Variants in AGR2 observed in about 807,000 individuals in gnomAD.
AGR2 encodes the protein anterior gradient 2, protein disulphide isomerase family member, also known as anterior gradient protein 2 homolog.
In AGR2, 27 loss-of-function variants were observed where a neutral mutation model predicts 25.9. The observed-to-expected ratio is 1.04, with a 90% CI of 0.77 to 1.44. The LOEUF (loss-of-function observed/expected upper bound fraction) is 1.44, where lower values mean the gene tolerates loss of function less well. Among genes scored for constraint, AGR2 ranks in the 40% most tolerant of loss-of-function variants. The probability of loss-of-function intolerance (pLI) is 0.00; values close to 1 mark genes in which losing one functional copy is unlikely to be tolerated. For missense variants in AGR2, 182 were observed against 200.9 expected (o/e 0.91, Z 0.57); for synonymous variants, 78 against 72.0 (o/e 1.08, Z -0.42).
At chr7:16,794,129 G>A (rs767036758) in intron 7 of AGR2, among the ~76,000 whole-genome samples, 2 of 152,128 alleles carry the variant, frequency 1.3e-5, no homozygotes, top group Non-Finnish European at 2.9e-5. Flanking sequence ...CCAACATGAC[G>A]TTCTAAGTCA....
intron 6 of AGR2, among the ~76,000 whole-genome samples, chr7:16,796,759 T>A (rs1000139592): frequency 1.3e-5 from 2 of 152,300 alleles, no homozygotes; most frequent in Admixed American, 1.3e-4. Flanking sequence ...AAAGTATGAC[T>A]ACAAGAGCAC....
intron 6 of AGR2, among the ~76,000 whole-genome samples, chr7:16,796,418 T>C (rs1287437900): frequency 6.6e-6 from 1 of 152,234 alleles, no homozygotes; most frequent in Non-Finnish European, 1.5e-5. Context: ...TCTTCCTTTT[T>C]TTCTATTTCT....
intron 6 of AGR2, 128 bp from the exon 7 acceptor site, chr7:16,795,147 A>G: frequency 2.0e-6 from 2 of 1,007,886 alleles, no homozygotes; most frequent in South Asian, 1.4e-5. Context: ...CTGCACTCAC[A>G]GGAGCTCTGA....
At chr7:16,799,840 T>A in intron 4 of AGR2, 23 bp from the exon 5 acceptor site, 3 of 1,503,446 alleles carry the variant, frequency 2.0e-6, no homozygotes, top group Non-Finnish European at 2.8e-6. Context: ...GAAAAATCAT[T>A]AAGCATCCAT....
Position 16,792,808 on chromosome 7 carries a change from G to A in AGR2, c.*100C>T. ...GTAACATTAAACCATAACCTAATCA[G>A]TGTGTTCACTATGCTTCCACACTAG... On this transcript the variant is annotated 3_prime_UTR_variant, in exon 8 of 8. Coordinates refer to ENST00000419304, the MANE Select transcript of AGR2 (RefSeq NM_006408.4). The A allele has an allele frequency of 4.8e-6, 5 of 1,031,774 alleles. No homozygotes were observed. Among genetic ancestry groups the A allele is most frequent in the Non-Finnish European group, 7.7e-6 (5 of 653,216 alleles). 63.9% of individuals were successfully genotyped at this position (1,031,774 alleles called of 1,614,324 possible). A position where few individuals can be genotyped will look rare whatever the true frequency, so the allele number is the denominator to read the frequency against.
At chr7:16,797,732 A>G in intron 5 of AGR2, 38 bp from the exon 6 acceptor site, 1 of 1,580,030 alleles carries the variant, frequency 6.3e-7, no homozygotes, top group Non-Finnish European at 8.7e-7. Context: ...GTTTACTTTG[A>G]CTTTTCAGTC....
At position 16,800,540 on chromosome 7, in the gene AGR2, C is replaced by T. The variant is rs149155414; in HGVS notation, c.256+611G>A. ...TCTGTGATAAGAAGCCACTTGAGCA[C>T]GTGAGTGATGGAATCTGATTTATGT... On this transcript the variant is annotated intron_variant, in intron 4 of 7. Coordinates refer to ENST00000419304, the MANE Select transcript of AGR2 (RefSeq NM_006408.4). Among the ~76,000 whole-genome samples the T allele has an allele frequency of 1.6e-3, 243 of 152,284 alleles. 2 individuals carry two copies. The highest frequency in any genetic ancestry group is 5.5e-3 in the African/African-American group (227 of 41,568).
chr7:16,797,716 C>G (rs773842173), intron 5 of AGR2, 22 bp from the exon 6 acceptor site: 2 of 1,605,726 alleles, frequency 1.2e-6, no homozygotes, highest in South Asian at 2.2e-5. Context: ...AGAAAAGCAT[C>G]TTTTAGTTTA....
At chr7:16,797,568 A>C in intron 6 of AGR2, 63 bp downstream of exon 6, 3 of 1,457,114 alleles carry the variant, frequency 2.1e-6, no homozygotes, top group Non-Finnish European at 2.9e-6. Flanking sequence ...AGTGGGGAGG[A>C]GAGAAGGAGG....
chr7:16,797,457 C>G (rs1175092246), intron 6 of AGR2, among the ~76,000 whole-genome samples, 174 bp downstream of exon 6: 1 of 152,152 alleles, frequency 6.6e-6, no homozygotes, highest in African/African-American at 2.4e-5. Flanking sequence ...TAGGTAAAAG[C>G]TCACATTTTC....
chr7:16,804,267 T>TACACACACACAC lies in AGR2; in HGVS notation c.-8+656_-8+667dup, dbSNP rs113991647. Among the ~76,000 whole-genome samples the TACACACACACAC allele has an allele frequency of 2.6e-3, 284 of 107,580 alleles. 1 individual carries two copies. Among genetic ancestry groups the TACACACACACAC allele is most frequent in the African/African-American group, 7.6e-3 (239 of 31,494 alleles). 70.6% of individuals were successfully genotyped at this position (107,580 alleles called of 152,430 possible). A position where few individuals can be genotyped will look rare whatever the true frequency, so the allele number is the denominator to read the frequency against. On this transcript the variant is annotated intron_variant, in intron 1 of 7. Coordinates refer to ENST00000419304, the MANE Select transcript of AGR2 (RefSeq NM_006408.4). ...ATTTGGAGACACACACAGACATAGG[T>TACACACACACAC]ACACACACACACACACACACACACA...
chr7:16,793,779 G>A (rs1421401403), intron 7 of AGR2, among the ~76,000 whole-genome samples: 1 of 152,176 alleles, frequency 6.6e-6, no homozygotes, highest in African/African-American at 2.4e-5. Context: ...CTGTTCCAGA[G>A]CCCAAACTCT....
At position 16,800,243 on chromosome 7, in the gene AGR2, G is replaced by C. The variant is rs78779443; in HGVS notation, c.257-426C>G. ...TGAAGAAAAATAAAGCAAAGCAAAG[G>C]GTTTAAAAACTGTGAGTGGTCAGGG... On this transcript the variant is annotated intron_variant, in intron 4 of 7. Coordinates refer to ENST00000419304, the MANE Select transcript of AGR2 (RefSeq NM_006408.4). Among the ~76,000 whole-genome samples the C allele has an allele frequency of 4.1e-3, 623 of 152,300 alleles. 6 individuals are homozygous for C. Among genetic ancestry groups the C allele is most frequent in the East Asian group, 0.011 (57 of 5,182 alleles).
intron 5 of AGR2, among the ~76,000 whole-genome samples, chr7:16,799,063 G>A (rs10260136): frequency 0.019 from 2,954 of 152,236 alleles, 98 homozygotes; most frequent in African/African-American, 0.067. Flanking sequence ...GGGTCAAGTA[G>A]AGATTCATCA....
chr7:16,794,615 C>G (rs2115351613), intron 7 of AGR2: 2 of 516,366 alleles, frequency 3.9e-6, no homozygotes, highest in South Asian at 4.3e-5. Flanking sequence ...AATTATTACA[C>G]TCAGTTCTGT....
chr7:16,794,797 G>A, intron 7 of AGR2, 139 bp downstream of exon 7: 1 of 1,531,564 alleles, frequency 6.5e-7, no homozygotes, highest in Non-Finnish European at 8.8e-7. Flanking sequence ...AAGATGCAAG[G>A]CTAGTTAGGG....
In AGR2 at chr7:16,801,817, C is replaced by A. The variant is rs1395476930; in HGVS notation, c.-7-14G>T. On this transcript the variant is annotated splice_polypyrimidine_tract_variant and intron_variant, in intron 1 of 7. Coordinates refer to ENST00000419304, the MANE Select transcript of AGR2 (RefSeq NM_006408.4). ...TCCATGGCAACTCTAGTATGGAAAA[C>A]CAACCAAAATCAGTAAACAAAATTG... 6 of 1,597,732 alleles carry A rather than the reference C, an allele frequency of 3.8e-6. No individual in the cohort carries two copies. The highest frequency in any genetic ancestry group is 5.1e-6 in the Non-Finnish European group (6 of 1,169,784).
At chr7:16,798,775 G>A (rs1481110692) in intron 5 of AGR2, among the ~76,000 whole-genome samples, 2 of 152,174 alleles carry the variant, frequency 1.3e-5, no homozygotes, top group African/African-American at 2.4e-5. Context: ...CATGCTGTAG[G>A]TAAGTAGGAG....
Position 16,801,767 on chromosome 7 carries a change from C to T in AGR2, c.30G>A (p.Leu10=), listed in dbSNP as rs150660491. MEKIPVSAF[L]LLVALSYTLA... is the part of the protein sequence containing the mutation. The stretch of plus-strand genomic sequence containing the variant: ...GAGTGTAGGAGAGGGCCACAAGGAG[C>T]AAGAATGCTGACACTGGAATTTTCT... The change falls in exon 2 of 8, where the codon TTG becomes TTA. Residue 10 remains leucine (L), a synonymous_variant. Coordinates refer to ENST00000419304, the MANE Select transcript of AGR2 (RefSeq NM_006408.4). 8 of 1,611,130 alleles carry T rather than the reference C, an allele frequency of 5.0e-6. No homozygotes were observed. Among genetic ancestry groups the T allele is most frequent in the African/African-American group, 2.7e-5 (2 of 74,560 alleles).
Sources: gnomAD v4.1 joint callset for allele counts (sites outside exome capture counted in the v4.1 genomes callset) on GRCh38, gnomAD v4.1.1 for gene constraint, MANE v1.5 for transcripts, NCBI Gene and HGNC (gene_info 2026-07-23, HGNC 2026-07-21) for gene names.